The following ADAP1 variants were observed in gnomAD, a reference collection of about 807,000 sequenced individuals.
ADAP1 encodes the protein ArfGAP with dual PH domains 1, also known as arf-GAP with dual PH domain-containing protein 1.
Under a neutral mutation model 54.9 loss-of-function variants are expected in ADAP1, and 31 were observed. That is an observed-to-expected ratio of 0.56 (90% CI 0.42 to 0.76). The LOEUF (loss-of-function observed/expected upper bound fraction) is 0.76. ADAP1 is among the 30% of genes least tolerant of loss of function. The pLI is 0.00. For synonymous variants in ADAP1, 313 were observed against 202.6 expected, an observed-to-expected ratio of 1.55 and a Z score of -4.63; for missense variants, 535 against 512.4, an observed-to-expected ratio of 1.04 and a Z score of -0.42.
chr7:943,255 GGA>G (rs565861985), intron 1 of ADAP1, among the ~76,000 whole-genome samples: 3 of 11,914 alleles, frequency 2.5e-4, no homozygotes, highest in African/African-American at 1.3e-3. Context: ...GAGGAGGAAG[GGA>G]GAGGAGGAGG....
intron 6 of ADAP1, chr7:903,827 A>C: frequency 3.2e-6 from 1 of 317,200 alleles, no homozygotes; most frequent in Non-Finnish European, 6.0e-6. Flanking sequence ...GCCCCCACTG[A>C]CAGGGCCAAG....
chr7:929,754 C>T (rs182384514), intron 2 of ADAP1, among the ~76,000 whole-genome samples: 18 of 152,066 alleles, frequency 1.2e-4, no homozygotes, highest in African/African-American at 3.1e-4. Context: ...CTGAACTGTA[C>T]GCTTTACGGG....
At chr7:951,531 C>T (rs1485362260) in intron 1 of ADAP1, among the ~76,000 whole-genome samples, 2 of 151,776 alleles carry the variant, frequency 1.3e-5, no homozygotes, top group Non-Finnish European at 2.9e-5. Flanking sequence ...GAGCAAAGAT[C>T]GTGCCACTGC....
At chr7:900,846 TC>T (rs1844766550) in intron 6 of ADAP1, 2 of 637,526 alleles carry the variant, frequency 3.1e-6, no homozygotes, top group Non-Finnish European at 2.9e-6. Flanking sequence ...AGGTGCAGCC[TC>T]CCCCGGCGAA....
intron 1 of ADAP1, 136 bp downstream of exon 1, chr7:954,260 G>T: frequency 1.2e-6 from 1 of 847,314 alleles, no homozygotes; most frequent in Non-Finnish European, 1.4e-6. Flanking sequence ...CGCCGATCCG[G>T]CCCGGTGTTC....
intron 4 of ADAP1, among the ~76,000 whole-genome samples, chr7:911,301 A>C (rs1583145984): frequency 1.3e-5 from 2 of 150,070 alleles, no homozygotes; most frequent in Admixed American, 1.3e-4. Context: ...GCCTGGAGAG[A>C]CCCCCCCACT....
At chr7:937,847 T>C (rs1033667141) in intron 1 of ADAP1, among the ~76,000 whole-genome samples, 2 of 152,144 alleles carry the variant, frequency 1.3e-5, no homozygotes, top group Non-Finnish European at 2.9e-5. Flanking sequence ...GCTCCCTGAT[T>C]AATGAAGCCT....
intron 3 of ADAP1, among the ~76,000 whole-genome samples, chr7:925,991 A>C (rs562654288): frequency 2.0e-5 from 3 of 152,012 alleles, no homozygotes; most frequent in African/African-American, 7.2e-5. Context: ...TGTGGTTGTC[A>C]CCTCTCATTC....
At chr7:928,374 G>C (rs1846458008) in intron 2 of ADAP1, among the ~76,000 whole-genome samples, 1 of 152,134 alleles carries the variant, frequency 6.6e-6, no homozygotes, top group Non-Finnish European at 1.5e-5. Flanking sequence ...TGCAAAAAAA[G>C]GAAGGTAAAA....
chr7:924,943 G>C lies in ADAP1; in HGVS notation c.305+1610C>G, dbSNP rs374886267. ...GTTCCCCTGTGAGGGCTCAGGGGGA[G>C]ACAGCAGCTGGCACCTGGGGCCTCA... On this transcript the variant is annotated intron_variant, in intron 3 of 10. Transcript: ENST00000265846. Among the ~76,000 whole-genome samples, 7 of 152,236 alleles carry C rather than the reference G, an allele frequency of 4.6e-5. No individual in the cohort carries two copies. In the South Asian group the frequency reaches 1.2e-3, roughly 27 times the overall value.
chr7:905,223 AC>A (rs1359925192), intron 4 of ADAP1, 51 bp from the exon 5 acceptor site: 1 of 1,421,640 alleles, frequency 7.0e-7, no homozygotes, highest in African/African-American at 1.5e-5. Context: ...GGGGGAGGAA[AC>A]AAAAGGAGTG....
rs1225823848 is a variant in ADAP1, at chr7:946,276, C to T, written c.82+8120G>A. 6.6e-6 allele frequency among the ~76,000 whole-genome samples: 1 copy of T among 152,146 alleles called. No individual in the cohort carries two copies. The highest frequency in any genetic ancestry group is 1.9e-4 in the East Asian group (1 of 5,166). On this transcript the variant is annotated intron_variant, in intron 1 of 10. Transcript: ENST00000265846. This position sits in a 1 kb window ranked among gnomAD's most constrained non-coding sequence, Gnocchi z 4.3. The stretch of plus-strand genomic sequence containing the variant: ...CCGCCGGCCGGTGGATCCCCGCCAG[C>T]GAGGCAGTGACCTCTGGAGCTCCTG...
chr7:905,281 CGGACGGGGGACA>C, intron 4 of ADAP1, 109 bp from the exon 5 acceptor site: 1 of 269,016 alleles, frequency 3.7e-6, no homozygotes, highest in East Asian at 8.4e-5. Flanking sequence ...ACGGGGGACA[CGGACGGGGGACA>C]CGGACAGGGG....
intron 4 of ADAP1, among the ~76,000 whole-genome samples, chr7:912,885 G>A (rs557339487): frequency 6.6e-6 from 1 of 152,280 alleles, no homozygotes; most frequent in East Asian, 1.9e-4. Flanking sequence ...AGGTCTCTCT[G>A]TGGCCCACAC....
At chr7:901,786 C>A (rs1329117260) in intron 6 of ADAP1, among the ~76,000 whole-genome samples, 1 of 145,108 alleles carries the variant, frequency 6.9e-6, no homozygotes, top group Non-Finnish European at 1.5e-5. Flanking sequence ...TTTCCTCCGG[C>A]CCGCCCCGTC....
chr7:944,347 C>T (rs543677037), intron 1 of ADAP1, among the ~76,000 whole-genome samples: 12 of 149,882 alleles, frequency 8.0e-5, no homozygotes, highest in Non-Finnish European at 1.6e-4. Context: ...CTTTGCCTCT[C>T]GGGTTCAAGC....
intron 5 of ADAP1, among the ~76,000 whole-genome samples, chr7:904,565 A>C (rs1371007056): frequency 6.6e-6 from 1 of 152,168 alleles, no homozygotes; most frequent in Non-Finnish European, 1.5e-5. Flanking sequence ...GGCAGCTCCC[A>C]CAGGGGCAGG....
chr7:900,704 C>CCCCACAGAGGG (rs1844758428), intron 6 of ADAP1, 88 bp from the exon 7 acceptor site: 3 of 887,544 alleles, frequency 3.4e-6, no homozygotes, highest in African/African-American at 3.1e-5. Context: ...ACAGAGGGGC[C>CCCCACAGAGGG]GCTTCCCCCA....
intron 4 of ADAP1, among the ~76,000 whole-genome samples, chr7:907,370 G>A (rs897711928): frequency 6.6e-6 from 1 of 152,158 alleles, no homozygotes. Flanking sequence ...GGCCAGAGGG[G>A]GCCCCAGAGC....
Sources: allele counts gnomAD v4.1 joint callset (sites outside exome capture counted in the v4.1 genomes callset), GRCh38; gene constraint gnomAD v4.1.1; non-coding constraint Gnocchi (gnomAD v3.1); transcripts MANE v1.5; gene names NCBI Gene and HGNC (gene_info 2026-07-23, HGNC 2026-07-21).